Variants in POC1A observed in about 807,000 individuals in gnomAD.
POC1A encodes the protein POC1 centriolar protein A, also known as POC1 centriolar protein homolog A.
A neutral mutation model predicts 47.8 loss-of-function variants in POC1A; 34 were observed. That is an observed-to-expected ratio of 0.71 (90% CI 0.54 to 0.95). POC1A has a LOEUF of 0.95. Among genes scored for constraint, POC1A ranks in the 40% least tolerant of loss-of-function variants. The pLI is 0.00. For synonymous variants in POC1A, 177 were observed against 207.6 expected (o/e 0.85, Z 1.27); for missense variants, 466 against 528.3 (o/e 0.88, Z 1.16).
chr3:52,100,998 G>A (rs762512094), intron 9 of POC1A, among the ~76,000 whole-genome samples: 1 of 150,730 alleles, frequency 6.6e-6, no homozygotes, highest in Non-Finnish European at 1.5e-5. Context: ...GAGCAGGACC[G>A]CTAAGAATGT....
intron 7 of POC1A, among the ~76,000 whole-genome samples, chr3:52,129,663 C>T (rs76834634): frequency 6.6e-6 from 1 of 152,190 alleles, no homozygotes; most frequent in African/African-American, 2.4e-5. Flanking sequence ...GGATGCCTCA[C>T]AGGCTCAATA....
intron 5 of POC1A, 26 bp downstream of exon 5, chr3:52,146,962 G>A (rs752177027): frequency 2.0e-5 from 31 of 1,578,734 alleles, no homozygotes; most frequent in Non-Finnish European, 2.6e-5. Flanking sequence ...GCGCCTACAG[G>A]TGGAGGACAG....
At chr3:52,082,217 AG>A (rs1702318827) in intron 10 of POC1A, among the ~76,000 whole-genome samples, 2 of 152,104 alleles carry the variant, frequency 1.3e-5, no homozygotes, top group Non-Finnish European at 2.9e-5. Context: ...TGGACCCACA[AG>A]GGCCCTGCAG....
At chr3:52,107,945 C>A (rs1328836828) in intron 9 of POC1A, among the ~76,000 whole-genome samples, 1 of 152,188 alleles carries the variant, frequency 6.6e-6, no homozygotes, top group African/African-American at 2.4e-5. Context: ...AGAATCCTAC[C>A]GATGCATTTA....
Position 52,084,950 on chromosome 3 carries a change from G to A in POC1A, c.1126-8965C>T, listed in dbSNP as rs1702410959. 6.6e-6 allele frequency among the ~76,000 whole-genome samples: 1 copy of A among 152,254 alleles called. No individual in the cohort carries two copies. The highest frequency in any genetic ancestry group is 2.1e-4 in the South Asian group (1 of 4,836). ...GCCTGGGCTGGGGACACAGTGGCAA[G>A]GGGAGCTGCAACTGTCCTGGGTTGG... On this transcript the variant is annotated intron_variant, in intron 10 of 10. Coordinates refer to ENST00000296484, the MANE Select transcript of POC1A (RefSeq NM_015426.5). The surrounding 1 kb of genome is among the most constrained non-coding windows in gnomAD (Gnocchi z 4.3).
chr3:52,118,577 T>C (rs1703656727), intron 9 of POC1A, among the ~76,000 whole-genome samples: 1 of 152,180 alleles, frequency 6.6e-6, no homozygotes, highest in African/African-American at 2.4e-5. Context: ...AGGACCATCA[T>C]AGGCTCACAG....
In POC1A at chr3:52,084,425, C is replaced by T. The variant is rs1282216089; in HGVS notation, c.1126-8440G>A. Among the ~76,000 whole-genome samples, 1 of 152,198 alleles carries T rather than the reference C, an allele frequency of 6.6e-6. No homozygotes were observed. The highest frequency in any genetic ancestry group is 2.4e-5 in the African/African-American group (1 of 41,454). ...TGGGGGCAGCCAACAACATCATTCA[C>T]TCCCATACCTCTGTCAGGCACCCAC... On this transcript the variant is annotated intron_variant, in intron 10 of 10. Coordinates refer to ENST00000296484, the MANE Select transcript of POC1A (RefSeq NM_015426.5). The surrounding 1 kb of genome is among the most constrained non-coding windows in gnomAD (Gnocchi z 4.3).
At chr3:52,122,527 C>T in intron 8 of POC1A, 50 bp from the exon 9 acceptor site, 2 of 1,134,136 alleles carry the variant, frequency 1.8e-6, no homozygotes, top group Non-Finnish European at 2.7e-6. Flanking sequence ...ATCCCCTTGC[C>T]AGTCCTTCAC....
At chr3:52,145,189 C>T (rs1448846651) in intron 6 of POC1A, among the ~76,000 whole-genome samples, 1 of 152,190 alleles carries the variant, frequency 6.6e-6, no homozygotes, top group East Asian at 1.9e-4. Context: ...CAGTTCCCTA[C>T]CCAGTACTCT....
At chr3:52,122,257 A>G (rs1001030666) in intron 9 of POC1A, 122 bp downstream of exon 9, 6 of 615,260 alleles carry the variant, frequency 9.8e-6, no homozygotes, top group Non-Finnish European at 1.8e-5. Context: ...AGATCTTGCT[A>G]GGGTCCCTTT....
intron 2 of POC1A, among the ~76,000 whole-genome samples, chr3:52,150,331 C>A (rs1698517425): frequency 1.3e-5 from 2 of 152,184 alleles, no homozygotes; most frequent in Admixed American, 1.3e-4. Context: ...AGAGCAAGTC[C>A]TCCCCAGCTG....
chr3:52,133,044 T>TC (rs988745194), intron 7 of POC1A, among the ~76,000 whole-genome samples: 2 of 148,952 alleles, frequency 1.3e-5, no homozygotes, highest in African/African-American at 5.0e-5. Flanking sequence ...AGACTCCATC[T>TC]CAAAAAAAAA....
chr3:52,092,357 C>T (rs954363324), intron 10 of POC1A, among the ~76,000 whole-genome samples: 12 of 152,170 alleles, frequency 7.9e-5, no homozygotes, highest in African/African-American at 2.7e-4. Context: ...TCCCTAACTG[C>T]ACCAAAACTG....
intron 9 of POC1A, among the ~76,000 whole-genome samples, chr3:52,113,742 C>T (rs1319901316): frequency 6.6e-6 from 1 of 152,184 alleles, no homozygotes; most frequent in Non-Finnish European, 1.5e-5. Context: ...AAAAACAAAA[C>T]CTGTAGTTTG....
intron 7 of POC1A, among the ~76,000 whole-genome samples, chr3:52,126,031 C>T (rs905924079): frequency 2.0e-5 from 3 of 152,236 alleles, no homozygotes; most frequent in African/African-American, 7.2e-5. Flanking sequence ...CAGCCACCAC[C>T]ATCTCTTCCT....
At chr3:52,087,822 C>T (rs1406525457) in intron 10 of POC1A, among the ~76,000 whole-genome samples, 1 of 152,184 alleles carries the variant, frequency 6.6e-6, no homozygotes, top group African/African-American at 2.4e-5. Flanking sequence ...AGCCACAGCC[C>T]CACTGACACT....
intron 9 of POC1A, among the ~76,000 whole-genome samples, chr3:52,110,460 A>ATTTAT (rs1186324960): frequency 6.6e-6 from 1 of 152,236 alleles, no homozygotes; most frequent in Non-Finnish European, 1.5e-5. Flanking sequence ...CCTGTGGCTC[A>ATTTAT]TTTATTTCAT....
intron 10 of POC1A, among the ~76,000 whole-genome samples, chr3:52,078,293 G>A (rs1399014560): frequency 6.6e-6 from 1 of 151,942 alleles, no homozygotes; most frequent in Admixed American, 6.6e-5. Context: ...TCTGAGCCAG[G>A]AGAAGGCCTG....
chr3:52,094,355 C>T (rs1045433517), intron 10 of POC1A, among the ~76,000 whole-genome samples: 3 of 152,234 alleles, frequency 2.0e-5, no homozygotes, highest in Admixed American at 1.3e-4. Context: ...CAGGGGAGGG[C>T]TGGGTCAGTC....
Sources: gnomAD v4.1 joint callset for allele counts (sites outside exome capture counted in the v4.1 genomes callset) on GRCh38, gnomAD v4.1.1 for gene constraint, Gnocchi (gnomAD v3.1) non-coding constraint, MANE v1.5 for transcripts, NCBI Gene and HGNC (gene_info 2026-07-23, HGNC 2026-07-21) for gene names.